LRRC4C: variants seen among roughly 807,000 people sequenced by gnomAD.
The protein encoded by LRRC4C is leucine-rich repeat-containing protein 4C.
LRRC4C carries 5 observed loss-of-function variants against 33.6 expected under a neutral mutation model. That is an observed-to-expected ratio of 0.15 (90% confidence interval 0.08 to 0.31). The LOEUF is 0.31. LRRC4C is among the 10% of genes least tolerant of loss of function. The pLI is 1.00. For missense variants in LRRC4C, 560 were observed against 796.7 expected, an observed-to-expected ratio of 0.70 and a Z score of 3.58; for synonymous variants, 329 against 302.0, an observed-to-expected ratio of 1.09 and a Z score of -0.93.
intron 2 of LRRC4C, among the ~76,000 whole-genome samples, chr11:40,653,802 T>C (rs10837460): frequency 0.36 from 55,059 of 151,710 alleles, 11,507 homozygotes; most frequent in East Asian, 0.61. Flanking sequence ...ATGTCAGAGG[T>C]CTTCATGGCA....
intron 5 of LRRC4C, among the ~76,000 whole-genome samples, chr11:40,177,276 A>G (rs958529921): frequency 6.6e-6 from 1 of 152,140 alleles, no homozygotes; most frequent in African/African-American, 2.4e-5. Context: ...TTTCAACAAA[A>G]TGATGAGGAT....
chr11:40,561,384 C>T (rs1957539813), intron 3 of LRRC4C, among the ~76,000 whole-genome samples: 2 of 136,458 alleles, frequency 1.5e-5, no homozygotes, highest in Admixed American at 7.2e-5. Flanking sequence ...AGCGGATCAT[C>T]TTTATTCTTT....
At chr11:41,078,229 T>C (rs1414894945) in intron 1 of LRRC4C, among the ~76,000 whole-genome samples, 3 of 152,170 alleles carry the variant, frequency 2.0e-5, no homozygotes, top group Non-Finnish European at 4.4e-5. Context: ...TCTAGAAAGT[T>C]CTAAACTTTC....
chr11:40,339,128 T>G (rs1946756800), intron 3 of LRRC4C, among the ~76,000 whole-genome samples: 1 of 152,184 alleles, frequency 6.6e-6, no homozygotes, highest in South Asian at 2.1e-4. Flanking sequence ...AGGAACATAT[T>G]ATCTAACTCT....
At chr11:41,189,085 C>A (rs1945831781) in intron 1 of LRRC4C, among the ~76,000 whole-genome samples, 1 of 152,010 alleles carries the variant, frequency 6.6e-6, no homozygotes, top group Non-Finnish European at 1.5e-5. Flanking sequence ...CTCATTTATT[C>A]AACAAAGATT....
intron 4 of LRRC4C, among the ~76,000 whole-genome samples, chr11:40,297,937 G>T (rs1317607076): frequency 6.6e-6 from 1 of 152,094 alleles, no homozygotes; most frequent in Non-Finnish European, 1.5e-5. Flanking sequence ...TTATTGTGAT[G>T]GATAGAAATG....
chr11:41,123,252 C>CTTT (rs1942537702), intron 1 of LRRC4C, among the ~76,000 whole-genome samples: 1 of 131,362 alleles, frequency 7.6e-6, no homozygotes, highest in African/African-American at 3.0e-5. Context: ...CTATCCTGAG[C>CTTT]TATGTTTTGT....
intron 2 of LRRC4C, among the ~76,000 whole-genome samples, chr11:40,670,964 C>T (rs867487516): frequency 2.6e-5 from 4 of 152,228 alleles, no homozygotes; most frequent in South Asian, 2.1e-4. Flanking sequence ...GGGGTTTCAC[C>T]GTGTTAGCCA....
chr11:40,475,272 T>C (rs889679509), intron 3 of LRRC4C, among the ~76,000 whole-genome samples: 1 of 151,956 alleles, frequency 6.6e-6, no homozygotes, highest in African/African-American at 2.4e-5. Context: ...TATGCAGCCA[T>C]AAAAAAGGAA....
intron 1 of LRRC4C, among the ~76,000 whole-genome samples, chr11:40,940,494 C>T (rs963292335): frequency 2.0e-5 from 3 of 152,106 alleles, no homozygotes; most frequent in African/African-American, 7.2e-5. Context: ...TAGATAAGAT[C>T]CTAACCACTT....
At position 40,757,309 on chromosome 11, in the gene LRRC4C, T is replaced by C. The variant is rs570157376; in HGVS notation, c.-406-109031A>G. Among the ~76,000 whole-genome samples, 5 of 152,218 alleles carry C rather than the reference T, an allele frequency of 3.3e-5. No individual in the cohort carries two copies. The South Asian group carries it at 8.3e-4, about 25-fold the overall frequency. On this transcript the variant is annotated intron_variant, in intron 2 of 6. Coordinates refer to ENST00000528697, the MANE Select transcript of LRRC4C (RefSeq NM_001258419.2). ...AAGCTTAGGAATTAGGATGGGCATC[T>C]TGTAGATGGCCTATGTTATATTATC...
At chr11:41,216,775 G>A (rs562939566) in intron 1 of LRRC4C, among the ~76,000 whole-genome samples, 1 of 152,250 alleles carries the variant, frequency 6.6e-6, no homozygotes, top group African/African-American at 2.4e-5. Flanking sequence ...TGAGAAAAGT[G>A]TAGATTTTGC....
intron 2 of LRRC4C, among the ~76,000 whole-genome samples, chr11:40,723,515 G>A (rs377595846): frequency 6.6e-6 from 1 of 152,128 alleles, no homozygotes; most frequent in African/African-American, 2.4e-5. Flanking sequence ...AACGAAGCTT[G>A]ATAAGCAAAG....
chr11:40,422,090 CT>C (rs1479360471), intron 3 of LRRC4C, among the ~76,000 whole-genome samples: 1 of 152,094 alleles, frequency 6.6e-6, no homozygotes, highest in African/African-American at 2.4e-5. Context: ...GATATTCAAA[CT>C]AAAAATATAT....
At chr11:40,519,334 A>G (rs1232907977) in intron 3 of LRRC4C, among the ~76,000 whole-genome samples, 3 of 152,336 alleles carry the variant, frequency 2.0e-5, no homozygotes, top group East Asian at 1.9e-4. Flanking sequence ...AATATTAGAT[A>G]ATGTTTTCAT....
chr11:40,370,512 A>T, intron 3 of LRRC4C, among the ~76,000 whole-genome samples: 1 of 152,200 alleles, frequency 6.6e-6, no homozygotes, highest in East Asian at 1.9e-4. Flanking sequence ...TTCTTTACTT[A>T]ATATGTATTT....
At chr11:41,271,011 C>T (rs928381894) in intron 1 of LRRC4C, among the ~76,000 whole-genome samples, 3 of 151,988 alleles carry the variant, frequency 2.0e-5, no homozygotes, top group Non-Finnish European at 2.9e-5. Context: ...GGATTTAGGG[C>T]CCATCTTAGA....
intron 3 of LRRC4C, among the ~76,000 whole-genome samples, chr11:40,432,421 GT>G (rs1291244106): frequency 6.6e-6 from 1 of 152,100 alleles, no homozygotes; most frequent in Non-Finnish European, 1.5e-5. Context: ...TCTTGAAAAA[GT>G]TTAAGTGTCT....
intron 3 of LRRC4C, among the ~76,000 whole-genome samples, chr11:40,323,713 C>A (rs2136877962): frequency 6.6e-6 from 1 of 152,292 alleles, no homozygotes; most frequent in South Asian, 2.1e-4. Context: ...ATTTCTAGAG[C>A]ACCTATTCTG....
Sources: allele counts gnomAD v4.1 joint callset (sites outside exome capture counted in the v4.1 genomes callset), GRCh38; gene constraint gnomAD v4.1.1; transcripts MANE v1.5; gene names NCBI Gene and HGNC (gene_info 2026-07-23, HGNC 2026-07-21).